Variants in MAPT observed in about 807,000 individuals in gnomAD.
MAPT encodes microtubule associated protein tau, also known as microtubule-associated protein tau.
Under a neutral mutation model 67.9 loss-of-function variants are expected in MAPT, and 34 were observed. That is an observed-to-expected ratio of 0.50 (90% CI 0.38 to 0.67). The LOEUF is 0.67. Ranked by LOEUF, MAPT falls within the 30% of genes least tolerant of loss-of-function variation. The pLI is 0.00. For synonymous variants in MAPT, 456 were observed against 464.5 expected (o/e 0.98, Z 0.23); for missense variants, 881 against 1,115.2 (o/e 0.79, Z 2.99).
intron 1 of MAPT, among the ~76,000 whole-genome samples, chr17:45,959,137 A>G (rs2070096101): frequency 6.6e-6 from 1 of 152,198 alleles, no homozygotes; most frequent in South Asian, 2.1e-4. Context: ...ACTGTTTTTT[A>G]GAGCACTTTT....
At chr17:45,919,051 G>C (rs1037145273) in intron 1 of MAPT, among the ~76,000 whole-genome samples, 2 of 148,830 alleles carry the variant, frequency 1.3e-5, no homozygotes, top group Non-Finnish European at 3.0e-5. Flanking sequence ...AGCAGACTGA[G>C]ACTCTGTCTC....
At chr17:45,928,892 T>A (rs530591632) in intron 1 of MAPT, among the ~76,000 whole-genome samples, 4 of 152,166 alleles carry the variant, frequency 2.6e-5, no homozygotes, top group Non-Finnish European at 5.9e-5. Context: ...GAGATGGGGT[T>A]TCACCGTGTT....
chr17:45,959,750 C>T (rs1159011913), intron 1 of MAPT, among the ~76,000 whole-genome samples: 1 of 152,008 alleles, frequency 6.6e-6, no homozygotes, highest in African/African-American at 2.4e-5. Context: ...CACTGCACTC[C>T]AGCCTGGGTG....
chr17:45,950,106 T>C (rs909848781), intron 1 of MAPT, among the ~76,000 whole-genome samples: 2 of 152,158 alleles, frequency 1.3e-5, no homozygotes, highest in East Asian at 3.9e-4. Context: ...TGGGGCTCGG[T>C]GGCCTTGGGC....
intron 1 of MAPT, among the ~76,000 whole-genome samples, chr17:45,953,662 T>G (rs1208221437): frequency 6.6e-6 from 1 of 152,168 alleles, no homozygotes; most frequent in Non-Finnish European, 1.5e-5. Flanking sequence ...TATTGGTGCA[T>G]CTGACTCTCT....
intron 1 of MAPT, among the ~76,000 whole-genome samples, chr17:45,949,885 C>G (rs1413756960): frequency 3.3e-5 from 5 of 152,180 alleles, no homozygotes; most frequent in Admixed American, 1.3e-4. Context: ...AGCCCCAGAT[C>G]GTGGGAAACC....
In MAPT at chr17:45,971,182, A is replaced by G. The variant is rs2071624516; in HGVS notation, c.134-677A>G. Among the ~76,000 whole-genome samples the G allele has an allele frequency of 6.6e-6, 1 of 152,140 alleles. No homozygotes were observed. The highest frequency in any genetic ancestry group is 1.5e-5 in the Non-Finnish European group (1 of 68,022). On this transcript the variant is annotated intron_variant, in intron 2 of 12. Transcript: ENST00000262410. The surrounding 1 kb of genome is among the most constrained non-coding windows in gnomAD (Gnocchi z 4.3). The stretch of plus-strand genomic sequence containing the variant: ...TTAAGGCAACAAAAGCTGCCTTACT[A>G]AGGACATTCTTGGTGGAGGGCGTGA...
At chr17:45,918,977 G>T (rs2065438001) in intron 1 of MAPT, among the ~76,000 whole-genome samples, 1 of 151,712 alleles carries the variant, frequency 6.6e-6, no homozygotes, top group Non-Finnish European at 1.5e-5. Flanking sequence ...TGGAAGAATT[G>T]CTTGAGCCCG....
chr17:46,009,220 A>G (rs2075656551), intron 9 of MAPT, among the ~76,000 whole-genome samples: 1 of 152,112 alleles, frequency 6.6e-6, no homozygotes, highest in Non-Finnish European at 1.5e-5. Context: ...AAAACAAAAC[A>G]AAAAACCCAA....
intron 11 of MAPT, among the ~76,000 whole-genome samples, chr17:46,014,882 C>CAAAAAA (rs1254513618): frequency 1.9e-4 from 24 of 127,512 alleles, no homozygotes; most frequent in Non-Finnish European, 2.7e-4. Context: ...GACTCCGTCT[C>CAAAAAA]AAAAAAAAAA....
At position 45,971,839 on chromosome 17, in the gene MAPT, G is replaced by C; in HGVS notation, c.134-20G>C. On this transcript the variant is annotated intron_variant, in intron 2 of 12. Transcript: ENST00000262410. This position sits in a 1 kb window ranked among gnomAD's most constrained non-coding sequence, Gnocchi z 4.3. ...CTGGGGAGAGGCCACCGTTCTGAGG[G>C]CTCACTGTATGTGTTCCAGAATCTC... is the stretch of plus-strand genomic sequence containing the variant. 2 of 1,576,046 alleles carry C rather than the reference G, an allele frequency of 1.3e-6. No homozygotes were observed. Among genetic ancestry groups the C allele is most frequent in the Non-Finnish European group, 1.7e-6 (2 of 1,145,390 alleles).
At position 45,962,378 on chromosome 17, in the gene MAPT, A is replaced by G; in HGVS notation, c.41A>G (p.His14Arg). 6.2e-7 allele frequency: 1 copy of G among 1,612,502 alleles called. No individual in the cohort carries two copies. The highest frequency in any genetic ancestry group is 8.5e-7 in the Non-Finnish European group (1 of 1,179,902). Residue 14 changes from histidine to arginine, a missense_variant, in exon 2 of 13, where the codon CAC becomes CGC. Physicochemically the swap from His to Arg is conservative, Grantham distance 29. Coordinates refer to ENST00000262410, the MANE Select transcript of MAPT (RefSeq NM_001377265.1). Reference sequence around the variant, plus strand: ...CAGGAGTTCGAAGTGATGGAAGATCACGCTGGGACGTACGGGTTGGGGGAC... The same window carrying G: ...CAGGAGTTCGAAGTGATGGAAGATCGCGCTGGGACGTACGGGTTGGGGGAC... ...PRQEFEVMED[H>R]AGTYGLGDRK...
At chr17:45,932,264 G>A (rs1013671933) in intron 1 of MAPT, among the ~76,000 whole-genome samples, 1 of 151,914 alleles carries the variant, frequency 6.6e-6, no homozygotes, top group African/African-American at 2.4e-5. Flanking sequence ...TGCAAATGGC[G>A]CCAGAAGCAA....
At chr17:45,934,825 G>A (rs1339249167) in intron 1 of MAPT, among the ~76,000 whole-genome samples, 1 of 152,130 alleles carries the variant, frequency 6.6e-6, no homozygotes, top group African/African-American at 2.4e-5. Context: ...CTGCAAAGTG[G>A]AATCATCTTT....
At chr17:45,937,282 C>G (rs1356911198) in intron 1 of MAPT, among the ~76,000 whole-genome samples, 1 of 152,054 alleles carries the variant, frequency 6.6e-6, no homozygotes, top group East Asian at 1.9e-4. Flanking sequence ...TAGGTGCTGA[C>G]AGGGGAGAGA....
At chr17:45,953,921 C>T (rs2069338858) in intron 1 of MAPT, among the ~76,000 whole-genome samples, 1 of 152,132 alleles carries the variant, frequency 6.6e-6, no homozygotes, top group Non-Finnish European at 1.5e-5. Context: ...CTGAGGAAAA[C>T]CCAACATGAA....
At chr17:45,908,337 T>C (rs1248318689) in intron 1 of MAPT, 1 of 152,248 alleles carries the variant, frequency 6.6e-6, no homozygotes, top group Non-Finnish European at 1.5e-5. Context: ...GAGAGGAGCC[T>C]GGCAGGTAAG....
chr17:45,986,812 C>G (rs1169248823), intron 5 of MAPT, among the ~76,000 whole-genome samples: 1 of 152,244 alleles, frequency 6.6e-6, no homozygotes, highest in African/African-American at 2.4e-5. Context: ...GGCCAGCCTG[C>G]TGCCCCCTCT....
intron 1 of MAPT, among the ~76,000 whole-genome samples, chr17:45,904,019 ATTATATAT>A (rs1568134017): frequency 3.8e-5 from 1 of 26,556 alleles, no homozygotes; most frequent in Non-Finnish European, 6.4e-5. Context: ...TATATTATAT[ATTATATAT>A]TTATATATTA....
Sources: allele counts gnomAD v4.1 joint callset (sites outside exome capture counted in the v4.1 genomes callset), GRCh38; gene constraint gnomAD v4.1.1; non-coding constraint Gnocchi (gnomAD v3.1); transcripts MANE v1.5; gene names NCBI Gene and HGNC (gene_info 2026-07-23, HGNC 2026-07-21).